EFCAB13: variants seen among roughly 807,000 people sequenced by gnomAD.
EFCAB13 encodes EF-hand calcium binding domain 13.
EFCAB13 carries 91 observed loss-of-function variants against 110.2 expected under a neutral mutation model. The ratio of observed to expected loss-of-function variants is 0.83; its 90% CI spans 0.70 to 0.98. EFCAB13 has a LOEUF of 0.98. Ranked by LOEUF, EFCAB13 falls within the 50% of genes least tolerant of loss-of-function variation. EFCAB13 has a pLI of 0.00. For missense variants in EFCAB13, 968 were observed against 1,119.4 expected (o/e 0.86, Z 1.93); for synonymous variants, 323 against 369.9 (o/e 0.87, Z 1.45).
At chr17:47,372,172 T>G (rs1189164550) in intron 11 of EFCAB13, among the ~76,000 whole-genome samples, 1 of 152,158 alleles carries the variant, frequency 6.6e-6, no homozygotes, top group African/African-American at 2.4e-5. Context: ...TGTTTCCTTA[T>G]TTTTCTCTTC....
chr17:47,326,489 T>TTA (rs1336850296), intron 3 of EFCAB13, 102 bp downstream of exon 3: 1 of 152,160 alleles, frequency 6.6e-6, no homozygotes, highest in Non-Finnish European at 1.5e-5. Flanking sequence ...CTTTCCTTCA[T>TTA]TATATATATA....
At chr17:47,393,250 T>G (rs2065717883) in intron 15 of EFCAB13, among the ~76,000 whole-genome samples, 1 of 151,360 alleles carries the variant, frequency 6.6e-6, no homozygotes, top group Non-Finnish European at 1.5e-5. Context: ...TGGGAAAAAG[T>G]AAGAAATATG....
intron 14 of EFCAB13, among the ~76,000 whole-genome samples, chr17:47,385,759 G>A (rs767816211): frequency 6.6e-6 from 1 of 152,102 alleles, no homozygotes; most frequent in Non-Finnish European, 1.5e-5. Flanking sequence ...TTTTTGTGCT[G>A]GTTTGTCCTC....
chr17:47,440,501 A>G lies in EFCAB13; in HGVS notation c.2709A>G (p.Ala903=), dbSNP rs773667494. The part of the protein sequence containing the change: ...LSDILTIPKA[A]GKFYLICTYC... ...ATATATTGACAATTCCTAAAGCTGC[A>G]GGTAAGTTTTATTTAATATGTACTT... is the stretch of plus-strand genomic sequence containing the variant. Residue 903 remains alanine, a synonymous_variant, in exon 25 of 25, where the codon GCA becomes GCG. Transcript: ENST00000331493. 10 of 1,611,474 alleles carry G rather than the reference A, an allele frequency of 6.2e-6. No individual in the cohort carries two copies. In the African/African-American group the frequency reaches 1.3e-4, roughly 22 times the overall value.
rs912716930 is a variant in EFCAB13 at position 47,414,911 on chromosome 17, A to T, written c.2486A>T (p.Lys829Met). 3 of 1,596,830 alleles carry T rather than the reference A, an allele frequency of 1.9e-6. No individual in the cohort carries two copies. The highest frequency in any genetic ancestry group is 2.6e-6 in the Non-Finnish European group (3 of 1,166,132). The change falls in exon 23 of 25, where the codon AAG (lysine) becomes ATG (methionine). Residue 829 changes from lysine (K) to methionine (M), a missense_variant. Lys to Met is a moderately conservative substitution (Grantham distance 95). Coordinates refer to ENST00000331493, the MANE Select transcript of EFCAB13 (RefSeq NM_152347.5). ...MKMKESPHFQ[K>M]SKATQILLAT... is the part of the protein sequence containing the mutation. The stretch of plus-strand genomic sequence containing the variant: ...ATGAAAGAAAGTCCACATTTCCAAA[A>T]GTCCAAGGGTAAGTGAATACTTCTT...
At chr17:47,386,244 C>T (rs1185192412) in intron 14 of EFCAB13, among the ~76,000 whole-genome samples, 1 of 152,218 alleles carries the variant, frequency 6.6e-6, no homozygotes, top group African/African-American at 2.4e-5. Flanking sequence ...GTTGTGCCCA[C>T]AGCCGCCCCT....
intron 5 of EFCAB13, among the ~76,000 whole-genome samples, chr17:47,337,408 C>G (rs1470890390): frequency 6.6e-6 from 1 of 152,082 alleles, no homozygotes; most frequent in Non-Finnish European, 1.5e-5. Context: ...GATGGGTACA[C>G]TGAAAGCCTA....
chr17:47,420,847 G>A (rs1904664474), intron 23 of EFCAB13, among the ~76,000 whole-genome samples: 2 of 149,266 alleles, frequency 1.3e-5, no homozygotes, highest in African/African-American at 4.9e-5. Flanking sequence ...CAGCCACCCC[G>A]TCCGGGAGGG....
chr17:47,325,361 A>G (rs2065276049), intron 2 of EFCAB13, among the ~76,000 whole-genome samples: 1 of 152,180 alleles, frequency 6.6e-6, no homozygotes, highest in South Asian at 2.1e-4. Context: ...TTCACTTGGC[A>G]TTCAGGAACC....
chr17:47,420,909 G>C (rs1904670639), intron 23 of EFCAB13, among the ~76,000 whole-genome samples: 1 of 147,380 alleles, frequency 6.8e-6, no homozygotes, highest in African/African-American at 2.5e-5. Flanking sequence ...TGGGAGGTGA[G>C]GGGCGCCTCT....
chr17:47,384,158 GT>G lies in EFCAB13; in HGVS notation c.1582+4918del, dbSNP rs1190644566. 5.7e-3 allele frequency among the ~76,000 whole-genome samples: 656 copies of G among 115,236 alleles called. 6 individuals are homozygous for G. The highest frequency in any genetic ancestry group is 0.017 in the African/African-American group (549 of 31,884). 75.6% of individuals were successfully genotyped at this position (115,236 alleles called of 152,430 possible). On this transcript the variant is annotated intron_variant, in intron 14 of 24. Transcript: ENST00000331493. ...TTGCAACCCCCAGTTTTTTTTTTTT[GT>G]TTTTTTTTTTTTGCTTTCCATTTGC...
intron 4 of EFCAB13, among the ~76,000 whole-genome samples, chr17:47,334,097 T>C (rs2065335487): frequency 6.6e-6 from 1 of 151,936 alleles, no homozygotes; most frequent in South Asian, 2.1e-4. Context: ...ATTTGTGTCT[T>C]CTTCAGTTTC....
chr17:47,324,306 A>T (rs1004197658), intron 1 of EFCAB13, 148 bp from the exon 2 acceptor site: 1 of 152,820 alleles, frequency 6.5e-6, no homozygotes, highest in Non-Finnish European at 1.5e-5. Flanking sequence ...TTCCTCAGAA[A>T]TGGTGGTTGT....
At chr17:47,366,327 T>TC (rs1445698852) in intron 10 of EFCAB13, among the ~76,000 whole-genome samples, 5 of 152,004 alleles carry the variant, frequency 3.3e-5, no homozygotes, top group Non-Finnish European at 7.4e-5. Flanking sequence ...TTTTTTTTTT[T>TC]TCTCTCATGG....
Position 47,434,328 on chromosome 17 carries a change from A to G in EFCAB13, c.2638+4367A>G, listed in dbSNP as rs572095225. ...CACAACAGCTACAAAAAAAAAATAA[A>G]TAAATACTTAGGAATATACTGAACC... On this transcript the variant is annotated intron_variant, in intron 24 of 24. Coordinates refer to ENST00000331493, the MANE Select transcript of EFCAB13 (RefSeq NM_152347.5). 2.6e-3 allele frequency among the ~76,000 whole-genome samples: 394 copies of G among 152,248 alleles called. 3 individuals carry two copies. Among genetic ancestry groups the G allele is most frequent in the African/African-American group, 9.3e-3 (385 of 41,556 alleles).
At position 47,431,455 on chromosome 17, in the gene EFCAB13, T is replaced by C. The variant is rs1007869628; in HGVS notation, c.2638+1494T>C. Among the ~76,000 whole-genome samples, 5 of 152,052 alleles carry C rather than the reference T, an allele frequency of 3.3e-5. No homozygotes were observed. The highest frequency in any genetic ancestry group is 7.4e-5 in the Non-Finnish European group (5 of 67,966). ...TCAAAGTACTCATTTAACTACATCC[T>C]ACAAGTTTTGATATATAGTATTTTA... On this transcript the variant is annotated intron_variant, in intron 24 of 24. Coordinates refer to ENST00000331493, the MANE Select transcript of EFCAB13 (RefSeq NM_152347.5). The surrounding 1 kb of genome is among the most constrained non-coding windows in gnomAD (Gnocchi z 4.1).
At chr17:47,410,724 A>G (rs2143464929) in intron 21 of EFCAB13, among the ~76,000 whole-genome samples, 1 of 152,336 alleles carries the variant, frequency 6.6e-6, no homozygotes, top group African/African-American at 2.4e-5. Context: ...GGGAGAAATG[A>G]GTGAGAAGAA....
At chr17:47,402,331 C>A in intron 18 of EFCAB13, 128 bp downstream of exon 18, 1 of 838,670 alleles carries the variant, frequency 1.2e-6, no homozygotes, top group Non-Finnish European at 1.9e-6. Context: ...TGTTTATACG[C>A]AGATGAAACT....
At chr17:47,364,912 C>G (rs913964820) in intron 10 of EFCAB13, among the ~76,000 whole-genome samples, 4 of 152,172 alleles carry the variant, frequency 2.6e-5, no homozygotes, top group Non-Finnish European at 5.9e-5. Flanking sequence ...CAACTATATA[C>G]CATGCCCCTT....
Sources: allele counts gnomAD v4.1 joint callset (sites outside exome capture counted in the v4.1 genomes callset), GRCh38; gene constraint gnomAD v4.1.1; non-coding constraint Gnocchi (gnomAD v3.1); transcripts MANE v1.5; gene names NCBI Gene and HGNC (gene_info 2026-07-23, HGNC 2026-07-21).